Variants in XIRP2 observed in about 807,000 individuals in gnomAD.
XIRP2 encodes the protein xin actin binding repeat containing 2, also known as xin actin-binding repeat-containing protein 2.
A neutral mutation model predicts 277.0 loss-of-function variants in XIRP2; 236 were observed. That is an observed-to-expected ratio of 0.85 (90% CI 0.77 to 0.95). The LOEUF is 0.95. Among genes scored for constraint, XIRP2 ranks in the 40% least tolerant of loss-of-function variants. The probability of loss-of-function intolerance (pLI) is 0.00; values close to 1 mark genes in which losing one functional copy is unlikely to be tolerated. For synonymous variants in XIRP2, 1,490 were observed against 1,416.5 expected, an observed-to-expected ratio of 1.05 and a Z score of -1.17; for missense variants, 4,640 against 4,157.5, an observed-to-expected ratio of 1.12 and a Z score of -3.19.
In XIRP2 at chr2:167,242,663, C is replaced by G; in HGVS notation, c.1271C>G (p.Ser424Ter). The change falls in exon 9 of 11, where the codon TCA becomes TGA. Residue 424 changes from serine to a stop codon, truncating the protein, a stop_gained. Coordinates refer to ENST00000409195, the MANE Select transcript of XIRP2 (RefSeq NM_152381.6). LOFTEE classifies it high-confidence loss of function. Reference protein sequence around the residue: ...CVSTSQRKETSTTRYSDHSVT... With the variant: ...CVSTSQRKET ...TCAACCAGCCAGAGGAAGGAAACATCAACTACAAGATATAGTGATCACAGT... is the reference window on the plus strand; with the variant it reads ...TCAACCAGCCAGAGGAAGGAAACATGAACTACAAGATATAGTGATCACAGT... 6.2e-7 allele frequency: 1 copy of G among 1,614,106 alleles called. No individual in the cohort carries two copies. The highest frequency in any genetic ancestry group is 8.5e-7 in the Non-Finnish European group (1 of 1,179,982).
chr2:167,165,065 T>C (rs901621188), intron 3 of XIRP2, among the ~76,000 whole-genome samples: 3 of 152,202 alleles, frequency 2.0e-5, no homozygotes, highest in Admixed American at 2.0e-4. Flanking sequence ...AGCTTTGCCT[T>C]TTCTAGAATG....
chr2:167,105,924 C>A (rs1690605459), intron 2 of XIRP2, among the ~76,000 whole-genome samples: 1 of 151,574 alleles, frequency 6.6e-6, no homozygotes, highest in African/African-American at 2.4e-5. Context: ...AACATCTTTT[C>A]ATGTAGTCAT....
intron 10 of XIRP2, among the ~76,000 whole-genome samples, chr2:167,256,983 C>T (rs577545032): frequency 1.3e-5 from 2 of 151,876 alleles, no homozygotes; most frequent in African/African-American, 2.4e-5. Flanking sequence ...TCACTAGCCT[C>T]TTCAAGTCTT....
chr2:167,081,662 T>C (rs1472337925), intron 2 of XIRP2, among the ~76,000 whole-genome samples: 2 of 152,210 alleles, frequency 1.3e-5, no homozygotes, highest in Non-Finnish European at 2.9e-5. Context: ...GATCTTTAAT[T>C]ACTGGTCCAG....
chr2:167,234,792 AT>A (rs1694854963), intron 5 of XIRP2, among the ~76,000 whole-genome samples: 1 of 151,744 alleles, frequency 6.6e-6, no homozygotes, highest in South Asian at 2.1e-4. Context: ...TTATTTTCCT[AT>A]TTTTATAAAT....
intron 2 of XIRP2, among the ~76,000 whole-genome samples, chr2:167,128,392 C>G (rs957139230): frequency 2.0e-5 from 3 of 152,136 alleles, no homozygotes; most frequent in Admixed American, 6.5e-5. Context: ...AGTAGTCAAC[C>G]CTCCATATTC....
chr2:166,956,055 A>G (rs1686153011), intron 2 of XIRP2, among the ~76,000 whole-genome samples: 1 of 151,894 alleles, frequency 6.6e-6, no homozygotes, highest in African/African-American at 2.4e-5. Context: ...TTATTTCATT[A>G]TCTCTTTTCA....
chr2:167,225,556 C>CT (rs1412016207), intron 5 of XIRP2, among the ~76,000 whole-genome samples: 1 of 151,842 alleles, frequency 6.6e-6, no homozygotes, highest in African/African-American at 2.4e-5. Context: ...AGAACTGTTG[C>CT]TTTTTTTTCG....
intron 2 of XIRP2, 109 bp downstream of exon 2, chr2:166,903,999 G>A (rs1684455273): frequency 3.8e-6 from 5 of 1,302,038 alleles, no homozygotes; most frequent in Non-Finnish European, 5.3e-6. Flanking sequence ...CTAGACAGAT[G>A]TCCTGAAGCC....
At chr2:167,219,913 G>A (rs189854064) in intron 5 of XIRP2, among the ~76,000 whole-genome samples, 19 of 152,200 alleles carry the variant, frequency 1.2e-4, no homozygotes, top group Admixed American at 1.2e-3. Context: ...CTTTAATACT[G>A]CAAAAGACAG....
intron 2 of XIRP2, among the ~76,000 whole-genome samples, chr2:167,132,084 TA>T (rs762983176): frequency 9.2e-5 from 14 of 152,114 alleles, no homozygotes; most frequent in Non-Finnish European, 1.8e-4. Context: ...TTGTATCTCC[TA>T]AATGGCTTTC....
chr2:167,001,402 A>G (rs1000972627), intron 2 of XIRP2, among the ~76,000 whole-genome samples: 1 of 152,186 alleles, frequency 6.6e-6, no homozygotes, highest in Non-Finnish European at 1.5e-5. Flanking sequence ...TTGAATAAGC[A>G]GATAACTTGT....
chr2:167,250,065 T>C lies in XIRP2; in HGVS notation c.8673T>C (p.Asn2891=), dbSNP rs753017785. ...AEHKKLPQPY[N]SLQEEKCLEV... is the part of the protein sequence containing the mutation. Reference sequence around the variant, plus strand: ...ATAAAAAATTGCCCCAGCCATATAATAGTCTGCAGGAAGAAAAATGTCTCG... The same window carrying C: ...ATAAAAAATTGCCCCAGCCATATAACAGTCTGCAGGAAGAAAAATGTCTCG... The change falls in exon 9 of 11, where the codon AAT becomes AAC. Residue 2891 remains asparagine, a synonymous_variant. Transcript: ENST00000409195. 13 of 1,613,434 alleles carry C rather than the reference T, an allele frequency of 8.1e-6. No individual in the cohort carries two copies. Among genetic ancestry groups the C allele is most frequent in the Non-Finnish European group, 1.1e-5 (13 of 1,179,696 alleles).
intron 2 of XIRP2, among the ~76,000 whole-genome samples, chr2:167,113,013 C>A (rs936322510): frequency 3.3e-5 from 5 of 151,670 alleles, no homozygotes; most frequent in African/African-American, 1.2e-4. Flanking sequence ...GATTTTGGTT[C>A]TTTTTTTTAA....
In XIRP2 at chr2:167,243,615, A is replaced by T. The variant is rs1158996360; in HGVS notation, c.2223A>T (p.Leu741Phe). ...RSIKCFETQP[L>F]YVIRDGSGQM... ...TAAAATGTTTCGAAACTCAACCATT[A>T]TATGTTATTAGAGATGGTTCGGGCC... Residue 741 changes from leucine to phenylalanine, a missense_variant, in exon 9 of 11, where the codon TTA (leucine) becomes TTT (phenylalanine). Transcript: ENST00000409195. The T allele has an allele frequency of 6.2e-7, 1 of 1,614,050 alleles. No individual in the cohort carries two copies. Among genetic ancestry groups the T allele is most frequent in the Non-Finnish European group, 8.5e-7 (1 of 1,179,976 alleles).
chr2:167,140,009 C>G (rs1691664390), intron 3 of XIRP2, among the ~76,000 whole-genome samples: 1 of 148,964 alleles, frequency 6.7e-6, no homozygotes, highest in African/African-American at 2.5e-5. Flanking sequence ...CTCTATCTGC[C>G]AATTTACCTT....
At chr2:167,111,781 T>C (rs1222638356) in intron 2 of XIRP2, among the ~76,000 whole-genome samples, 1 of 152,174 alleles carries the variant, frequency 6.6e-6, no homozygotes, top group East Asian at 1.9e-4. Flanking sequence ...AGAATTCAGG[T>C]ATAAATTCAT....
intron 3 of XIRP2, among the ~76,000 whole-genome samples, chr2:167,155,135 A>G (rs965405286): frequency 6.7e-6 from 1 of 150,292 alleles, no homozygotes; most frequent in Non-Finnish European, 1.5e-5. Context: ...CTCCAGGACC[A>G]GATGGATTCA....
intron 2 of XIRP2, among the ~76,000 whole-genome samples, chr2:167,071,991 A>G (rs972502202): frequency 3.9e-5 from 6 of 152,238 alleles, no homozygotes; most frequent in African/African-American, 1.4e-4. Flanking sequence ...CTGAGAAATA[A>G]TTAGCAGGAA....
Sources: gnomAD v4.1 joint callset for allele counts (sites outside exome capture counted in the v4.1 genomes callset) on GRCh38, gnomAD v4.1.1 for gene constraint, MANE v1.5 for transcripts, NCBI Gene and HGNC (gene_info 2026-07-23, HGNC 2026-07-21) for gene names.